Variants in EMILIN2 observed in about 807,000 individuals in gnomAD.
EMILIN2 encodes the protein elastin microfibril interfacer 2.
EMILIN2 carries 71 observed loss-of-function variants against 87.1 expected under a neutral mutation model. The ratio of observed to expected loss-of-function variants is 0.82; its 90% CI spans 0.67 to 0.99. EMILIN2 has a LOEUF of 0.99. EMILIN2 is among the 50% of genes least tolerant of loss of function. The pLI is 0.00. For synonymous variants in EMILIN2, 581 were observed against 563.4 expected (o/e 1.03, Z -0.44); for missense variants, 1,407 against 1,371.8 (o/e 1.03, Z -0.40).
In EMILIN2 at chr18:2,909,673, A is replaced by T; in HGVS notation, c.2696-18A>T. 1 of 1,612,934 alleles carries T rather than the reference A, an allele frequency of 6.2e-7. No individual in the cohort carries two copies. Among genetic ancestry groups the T allele is most frequent in the Non-Finnish European group, 8.5e-7 (1 of 1,179,444 alleles). On this transcript the variant is annotated intron_variant, in intron 6 of 7. Transcript: ENST00000254528. ...AGAAGCACCCGGGTCAATCCATTCC[A>T]TCCTTTCTCTGCTCCAGGAGCTCCG... is the stretch of plus-strand genomic sequence containing the variant.
At chr18:2,911,783 G>A (rs534667859) in intron 7 of EMILIN2, among the ~76,000 whole-genome samples, 2 of 152,292 alleles carry the variant, frequency 1.3e-5, no homozygotes, top group East Asian at 3.9e-4. Flanking sequence ...GCTATCTCTT[G>A]TCTTGCATGG....
intron 4 of EMILIN2, among the ~76,000 whole-genome samples, chr18:2,901,126 G>T (rs771131923): frequency 1.8e-4 from 28 of 152,252 alleles, no homozygotes; most frequent in Non-Finnish European, 3.7e-4. Context: ...TGAGCCCGTT[G>T]CATGGACAAG....
Position 2,847,890 on chromosome 18 carries a change from C to T in EMILIN2, c.216C>T (p.Tyr72=). The T allele has an allele frequency of 1.2e-6, 2 of 1,613,264 alleles. No individual in the cohort carries two copies. The highest frequency in any genetic ancestry group is 1.7e-6 in the Non-Finnish European group (2 of 1,179,736). The stretch of plus-strand genomic sequence containing the variant: ...GTGAGAGTTTTATTCAGGCTCAGTA[C>T]AACTGTGCCTGGAACCAGATGCCCT... ...EGSESFIQAQ[Y]NCAWNQMPCP... The change falls in exon 2 of 8, where the codon TAC becomes TAT. Residue 72 remains tyrosine, a synonymous_variant. Coordinates refer to ENST00000254528, the MANE Select transcript of EMILIN2 (RefSeq NM_032048.3). The surrounding 1 kb of genome is among the most constrained non-coding windows in gnomAD (Gnocchi z 4.5).
chr18:2,853,648 G>A (rs1041410858), intron 2 of EMILIN2, among the ~76,000 whole-genome samples: 13 of 152,196 alleles, frequency 8.5e-5, no homozygotes, highest in Admixed American at 2.0e-4. Context: ...CAAGTAGTTA[G>A]GAAGCAGCAG....
At position 2,890,453 on chromosome 18, in the gene EMILIN2, G is replaced by A; in HGVS notation, c.434-108G>A. 3.7e-6 allele frequency: 5 copies of A among 1,334,314 alleles called. No individual in the cohort carries two copies. The highest frequency in any genetic ancestry group is 3.1e-6 in the Non-Finnish European group (3 of 978,442). The allele number at this position is 1,334,314 out of a possible 1,614,324, so 82.7% of individuals were successfully genotyped here. ...CTTACCTACAATTGTGTAGTGACCT[G>A]TAAGTGAAGATGTACATGTATTTTG... is the stretch of plus-strand genomic sequence containing the variant. On this transcript the variant is annotated intron_variant, in intron 3 of 7. Transcript: ENST00000254528. This position sits in a 1 kb window ranked among gnomAD's most constrained non-coding sequence, Gnocchi z 4.7.
chr18:2,849,656 A>G lies in EMILIN2; in HGVS notation c.257+1725A>G, dbSNP rs1026943464. ...AAATGACAGATGTTTCTGTTGTTTTATTAAACAAAGCCAAAATAAGTGACC... is the reference window on the plus strand; with the variant it reads ...AAATGACAGATGTTTCTGTTGTTTTGTTAAACAAAGCCAAAATAAGTGACC... On this transcript the variant is annotated intron_variant, in intron 2 of 7. Coordinates refer to ENST00000254528, the MANE Select transcript of EMILIN2 (RefSeq NM_032048.3). 4.6e-5 allele frequency among the ~76,000 whole-genome samples: 7 copies of G among 152,332 alleles called. No homozygotes were observed. In the East Asian group the frequency reaches 7.7e-4, roughly 17 times the overall value.
rs1306206734 is a variant in EMILIN2, at chr18:2,891,619, G to GAAGACC, written c.1493_1498dup (p.Asp499_Arg500insGlnAsp). ...TGTTGATCAGAAAATACAGTCTCTG[G>GAAGACC]AAGACCGTCTGGGGAGCGTTCTCCT... is the stretch of plus-strand genomic sequence containing the variant. On this transcript the variant is annotated inframe_insertion, in exon 4 of 8. Coordinates refer to ENST00000254528, the MANE Select transcript of EMILIN2 (RefSeq NM_032048.3). The surrounding 1 kb of genome is among the most constrained non-coding windows in gnomAD (Gnocchi z 4.6). 2.5e-6 allele frequency: 4 copies of GAAGACC among 1,614,050 alleles called. No homozygotes were observed. Among genetic ancestry groups the GAAGACC allele is most frequent in the Non-Finnish European group, 3.4e-6 (4 of 1,180,026 alleles).
Position 2,892,121 on chromosome 18 carries a change from A to T in EMILIN2, c.1994A>T (p.His665Leu). The change falls in exon 4 of 8, where the codon CAT becomes CTT. Residue 665 changes from histidine to leucine, a missense_variant. Coordinates refer to ENST00000254528, the MANE Select transcript of EMILIN2 (RefSeq NM_032048.3). The stretch of plus-strand genomic sequence containing the variant: ...CCGTCCCCCCAGCACCCCGTGGCTC[A>T]TTGCTGCAGTCAGCTGGAGGAGAGG... ...TLPSPQHPVA[H>L]CCSQLEERWQ... 1 of 1,611,468 alleles carries T rather than the reference A, an allele frequency of 6.2e-7. No homozygotes were observed. The highest frequency in any genetic ancestry group is 8.5e-7 in the Non-Finnish European group (1 of 1,178,092).
chr18:2,889,151 T>G (rs905183554), intron 3 of EMILIN2, among the ~76,000 whole-genome samples: 4 of 144,250 alleles, frequency 2.8e-5, no homozygotes, highest in African/African-American at 1.0e-4. Context: ...TTTTTTTTTT[T>G]TTTTGAGACA....
At chr18:2,863,128 G>C (rs1467116072) in intron 2 of EMILIN2, among the ~76,000 whole-genome samples, 1 of 151,970 alleles carries the variant, frequency 6.6e-6, no homozygotes, top group Admixed American at 6.6e-5. Context: ...TATTAGTCTT[G>C]CTAGCGGTCT....
At chr18:2,889,286 AG>A (rs2076820628) in intron 3 of EMILIN2, among the ~76,000 whole-genome samples, 1 of 150,946 alleles carries the variant, frequency 6.6e-6, no homozygotes, top group Non-Finnish European at 1.5e-5. Flanking sequence ...TACAGGCACC[AG>A]CCACCACACC....
At chr18:2,893,106 C>T in intron 4 of EMILIN2, among the ~76,000 whole-genome samples, 1 of 152,042 alleles carries the variant, frequency 6.6e-6, no homozygotes, top group Non-Finnish European at 1.5e-5. Context: ...ACGTAATTTA[C>T]AAAAATATCA....
chr18:2,915,715 G>T lies in EMILIN2; in HGVS notation c.*2311G>T, dbSNP rs1250738035. 6.6e-6 allele frequency: 1 copy of T among 152,160 alleles called. No homozygotes were observed. Among genetic ancestry groups the T allele is most frequent in the Non-Finnish European group, 1.5e-5 (1 of 68,084 alleles). The allele number at this position is 152,160 out of a possible 1,614,324, so 9.4% of individuals were successfully genotyped here. A position where few individuals can be genotyped will look rare whatever the true frequency, so the allele number is the denominator to read the frequency against. On this transcript the variant is annotated 3_prime_UTR_variant, in exon 8 of 8. Coordinates refer to ENST00000254528, the MANE Select transcript of EMILIN2 (RefSeq NM_032048.3). ...TTTTTTGTATTTTAGTAGAGATGGG[G>T]TTTCACCGTGTTGCCCAGGCTGGTC...
intron 2 of EMILIN2, among the ~76,000 whole-genome samples, chr18:2,865,902 G>A (rs1014857954): frequency 4.6e-5 from 7 of 152,152 alleles, no homozygotes; most frequent in Non-Finnish European, 8.8e-5. Context: ...CTCAAGCGTC[G>A]GCAATGGCAG....
intron 2 of EMILIN2, among the ~76,000 whole-genome samples, chr18:2,852,071 A>G (rs549849621): frequency 3.3e-5 from 5 of 152,324 alleles, no homozygotes; most frequent in African/African-American, 9.6e-5. Context: ...TAGGTTGCAC[A>G]GTACTCAACT....
chr18:2,865,103 T>A (rs2076679866), intron 2 of EMILIN2, among the ~76,000 whole-genome samples: 1 of 152,254 alleles, frequency 6.6e-6, no homozygotes, highest in African/African-American at 2.4e-5. Flanking sequence ...TTTGTTATTC[T>A]AGTTAGCCAT....
intron 2 of EMILIN2, among the ~76,000 whole-genome samples, chr18:2,865,264 C>G (rs2076680888): frequency 6.6e-6 from 1 of 152,218 alleles, no homozygotes; most frequent in Admixed American, 6.5e-5. Context: ...TGGTGAGGAG[C>G]TGTGTTCCTT....
intron 2 of EMILIN2, among the ~76,000 whole-genome samples, chr18:2,876,365 C>T (rs1403436233): frequency 3.3e-5 from 5 of 152,112 alleles, no homozygotes; most frequent in African/African-American, 1.2e-4. Context: ...AAGCAGCTTA[C>T]AATTGTGATT....
intron 2 of EMILIN2, among the ~76,000 whole-genome samples, chr18:2,870,582 A>T (rs1420990193): frequency 6.6e-6 from 1 of 152,258 alleles, no homozygotes; most frequent in Non-Finnish European, 1.5e-5. Context: ...AGAGAAACAC[A>T]ACGTGCTGGG....
Sources: allele counts gnomAD v4.1 joint callset (sites outside exome capture counted in the v4.1 genomes callset), GRCh38; gene constraint gnomAD v4.1.1; non-coding constraint Gnocchi (gnomAD v3.1); transcripts MANE v1.5; gene names NCBI Gene and HGNC (gene_info 2026-07-23, HGNC 2026-07-21).